Variants in CHST8 observed in about 807,000 individuals in gnomAD.
CHST8 encodes GALNAC-4-ST1.
Under a neutral mutation model 15.0 loss-of-function variants are expected in CHST8, and 10 were observed. The ratio of observed to expected loss-of-function variants is 0.67; its 90% CI spans 0.41 to 1.13. CHST8 has a LOEUF of 1.13. Among genes scored for constraint, CHST8 ranks in the 50% most tolerant of loss-of-function variants. The pLI, the probability that CHST8 is intolerant of heterozygous loss-of-function variation, is 0.00. For synonymous variants in CHST8, 259 were observed against 256.6 expected (o/e 1.01, Z -0.09); for missense variants, 634 against 608.2 (o/e 1.04, Z -0.45).
intron 4 of CHST8, 97 bp from the exon 5 acceptor site, chr19:33,771,860 G>A (rs1440934979): frequency 1.4e-6 from 2 of 1,401,266 alleles, no homozygotes; most frequent in Non-Finnish European, 1.9e-6. Context: ...CACCTGAGAG[G>A]GACAGGAACC....
At chr19:33,628,656 G>A (rs1198853314) in intron 1 of CHST8, among the ~76,000 whole-genome samples, 5 of 152,236 alleles carry the variant, frequency 3.3e-5, no homozygotes, top group Non-Finnish European at 7.3e-5. Context: ...AGCAGGCACT[G>A]TAACACTGGT....
rs762298298 is a variant in CHST8 at position 33,772,617 on chromosome 19, A to T, written c.829A>T (p.Ser277Cys). 2 of 1,614,022 alleles carry T rather than the reference A, an allele frequency of 1.2e-6. No homozygotes were observed. The highest frequency in any genetic ancestry group is 4.5e-5 in the East Asian group (2 of 44,866). Reference protein sequence around the residue: ...AFRDKFEHPNSYYHPVFGKAI... With the variant: ...AFRDKFEHPNCYYHPVFGKAI... The stretch of plus-strand genomic sequence containing the variant: ...CCGCGACAAGTTTGAGCACCCCAAC[A>T]GCTACTATCACCCGGTCTTCGGCAA... The change falls in exon 5 of 5, where the codon AGC becomes TGC. Residue 277 changes from serine (S) to cysteine (C), a missense_variant. Transcript: ENST00000650847.
At chr19:33,650,363 A>G (rs1972420290) in intron 1 of CHST8, among the ~76,000 whole-genome samples, 1 of 152,038 alleles carries the variant, frequency 6.6e-6, no homozygotes, top group African/African-American at 2.4e-5. Flanking sequence ...TTGCCCATAA[A>G]TTAATTGAGT....
intron 1 of CHST8, among the ~76,000 whole-genome samples, chr19:33,636,363 C>T (rs1186910558): frequency 1.3e-5 from 2 of 152,148 alleles, no homozygotes; most frequent in African/African-American, 4.8e-5. Flanking sequence ...CCACCTAAAT[C>T]GCCCTTGCCT....
intron 3 of CHST8, among the ~76,000 whole-genome samples, chr19:33,757,400 A>G (rs201969657): frequency 2.0e-4 from 1 of 4,896 alleles, no homozygotes; most frequent in Non-Finnish European, 5.1e-4. Context: ...GAAAGAAAGA[A>G]AGAAAGAAAG....
At position 33,773,246 on chromosome 19, in the gene CHST8, C is replaced by CATCCA; in HGVS notation, c.*184_*185insTCCAA. 1 of 654,522 alleles carries CATCCA rather than the reference C, an allele frequency of 1.5e-6. No individual in the cohort carries two copies. 40.5% of individuals were successfully genotyped at this position (654,522 alleles called of 1,614,324 possible). A position where few individuals can be genotyped will look rare whatever the true frequency, so the allele number is the denominator to read the frequency against. On this transcript the variant is annotated 3_prime_UTR_variant, in exon 5 of 5. Coordinates refer to ENST00000650847, the MANE Select transcript of CHST8 (RefSeq NM_001127895.2). ...GGCGCCCAGCCTTGGATGGGGACCCCAGCCCCTGGCCTGTACCTGTTTCCT... is the reference window on the plus strand; with the variant it reads ...GGCGCCCAGCCTTGGATGGGGACCCCATCCAAGCCCCTGGCCTGTACCTGTTTCCT...
chr19:33,719,294 C>T (rs992711365), intron 3 of CHST8, among the ~76,000 whole-genome samples: 10 of 152,180 alleles, frequency 6.6e-5, no homozygotes, highest in African/African-American at 1.2e-4. Context: ...GATCAAGTGG[C>T]TCTGGTGTCA....
chr19:33,630,266 C>T (rs1410110937), intron 1 of CHST8, among the ~76,000 whole-genome samples: 2 of 152,248 alleles, frequency 1.3e-5, no homozygotes, highest in Non-Finnish European at 2.9e-5. Flanking sequence ...AGTGTTGGTG[C>T]AGATGCTGCT....
intron 2 of CHST8, among the ~76,000 whole-genome samples, chr19:33,679,126 TG>T (rs949665922): frequency 2.0e-5 from 3 of 152,252 alleles, no homozygotes; most frequent in Non-Finnish European, 4.4e-5. Flanking sequence ...GTCTGCACCC[TG>T]CCAGGGGCCA....
chr19:33,623,921 C>A (rs1972018208), intron 1 of CHST8, among the ~76,000 whole-genome samples: 1 of 152,110 alleles, frequency 6.6e-6, no homozygotes, highest in African/African-American at 2.4e-5. Context: ...ACATTGGAAC[C>A]CTGAAGAGAG....
At chr19:33,664,754 C>T (rs1026939642) in intron 1 of CHST8, among the ~76,000 whole-genome samples, 7 of 151,958 alleles carry the variant, frequency 4.6e-5, no homozygotes, top group Non-Finnish European at 1.0e-4. Context: ...TATCTTGCCC[C>T]ATCCCCTTCC....
At chr19:33,627,169 C>T (rs1166692637) in intron 1 of CHST8, among the ~76,000 whole-genome samples, 5 of 149,036 alleles carry the variant, frequency 3.4e-5, no homozygotes, top group Non-Finnish European at 7.4e-5. Flanking sequence ...GGTGTGATCT[C>T]GGCTCACTGC....
intron 3 of CHST8, among the ~76,000 whole-genome samples, chr19:33,757,477 A>G (rs1203181541): frequency 2.4e-4 from 12 of 49,182 alleles, no homozygotes; most frequent in Admixed American, 6.4e-4. Flanking sequence ...AAAGAAAGAA[A>G]GAAAGAAAGA....
At chr19:33,742,466 T>G (rs1974214291) in intron 3 of CHST8, among the ~76,000 whole-genome samples, 1 of 152,170 alleles carries the variant, frequency 6.6e-6, no homozygotes, top group Admixed American at 6.5e-5. Context: ...CAGACTCTTT[T>G]AAACAACCAG....
intron 3 of CHST8, among the ~76,000 whole-genome samples, chr19:33,719,095 G>A (rs937188368): frequency 3.9e-5 from 6 of 152,146 alleles, no homozygotes; most frequent in Non-Finnish European, 8.8e-5. Context: ...TCATAGGTGT[G>A]ACACTGCAGC....
chr19:33,658,084 A>T (rs1972536654), intron 1 of CHST8, among the ~76,000 whole-genome samples: 1 of 152,198 alleles, frequency 6.6e-6, no homozygotes. Flanking sequence ...TCACGTCTGT[A>T]ATCTCAGCAC....
At position 33,665,943 on chromosome 19, in the gene CHST8, G is replaced by A. The variant is rs150697644; in HGVS notation, c.-163-1824G>A. 2.4e-3 allele frequency among the ~76,000 whole-genome samples: 365 copies of A among 152,346 alleles called. 3 individuals are homozygous for A. The Middle Eastern group carries it at 0.044, about 18-fold the overall frequency. On this transcript the variant is annotated intron_variant, in intron 1 of 4. Transcript: ENST00000650847. Reference sequence around the variant, plus strand: ...AAAATGACATCCTCAGGTTTGGGAGGGGACAAGTGGTGTCTCTGCAGCTGG... The same window carrying A: ...AAAATGACATCCTCAGGTTTGGGAGAGGACAAGTGGTGTCTCTGCAGCTGG...
intron 3 of CHST8, among the ~76,000 whole-genome samples, chr19:33,722,530 C>T (rs889172110): frequency 2.1e-4 from 32 of 152,196 alleles, no homozygotes; most frequent in African/African-American, 7.0e-4. Flanking sequence ...TCTTGCAGTT[C>T]GCACACCCAG....
chr19:33,703,584 G>T (rs1301712589), intron 3 of CHST8, among the ~76,000 whole-genome samples: 1 of 152,226 alleles, frequency 6.6e-6, no homozygotes, highest in Non-Finnish European at 1.5e-5. Flanking sequence ...CGCACCTTCT[G>T]CTGGGCTCCA....
Sources: allele counts gnomAD v4.1 joint callset (sites outside exome capture counted in the v4.1 genomes callset), GRCh38; gene constraint gnomAD v4.1.1; transcripts MANE v1.5; gene names NCBI Gene and HGNC (gene_info 2026-07-23, HGNC 2026-07-21).